The following EXOC6B variants were observed in gnomAD, a reference collection of about 807,000 sequenced individuals.
EXOC6B encodes SEC15 homolog B.
EXOC6B carries 54 observed loss-of-function variants against 113.5 expected under a neutral mutation model. That is an observed-to-expected ratio of 0.48 (90% confidence interval 0.38 to 0.60). The LOEUF (loss-of-function observed/expected upper bound fraction) is 0.60, where lower values mean the gene tolerates loss of function less well. Ranked by LOEUF, EXOC6B falls within the 20% of genes least tolerant of loss-of-function variation. EXOC6B has a pLI of 0.00. For synonymous variants in EXOC6B, 357 were observed against 339.0 expected, an observed-to-expected ratio of 1.05 and a Z score of -0.58; for missense variants, 797 against 977.5, an observed-to-expected ratio of 0.82 and a Z score of 2.46.
In EXOC6B at chr2:72,418,356, G is replaced by A. The variant is rs556467486; in HGVS notation, c.1981-38486C>T. 2.0e-5 allele frequency among the ~76,000 whole-genome samples: 3 copies of A among 152,120 alleles called. No individual in the cohort carries two copies. In the East Asian group the frequency reaches 5.8e-4, roughly 29 times the overall value. Reference sequence around the variant, plus strand: ...CATTACTCTCTAACCTCAACTCCTGGCAACCACCATTCTGCTTTCTGCAGG... The same window carrying A: ...CATTACTCTCTAACCTCAACTCCTGACAACCACCATTCTGCTTTCTGCAGG... On this transcript the variant is annotated intron_variant, in intron 18 of 21. Coordinates refer to ENST00000272427, the MANE Select transcript of EXOC6B (RefSeq NM_015189.3).
Position 72,416,377 on chromosome 2 carries a change from T to C in EXOC6B, c.1981-36507A>G, listed in dbSNP as rs540403315. ...ATAACCCTTATTTAAAATCCAAATG[T>C]GGTGCGTTTTACTCTGGAGACTAAT... On this transcript the variant is annotated intron_variant, in intron 18 of 21. Transcript: ENST00000272427. Among the ~76,000 whole-genome samples the C allele has an allele frequency of 1.5e-3, 226 of 152,326 alleles. 3 individuals are homozygous for C. The highest frequency in any genetic ancestry group is 1.3e-3 in the Non-Finnish European group (87 of 68,032).
chr2:72,576,867 C>A (rs1408165836), intron 6 of EXOC6B, among the ~76,000 whole-genome samples: 1 of 152,014 alleles, frequency 6.6e-6, no homozygotes, highest in Admixed American at 6.6e-5. Context: ...AGAATGTGAC[C>A]TCTGAAAGTA....
intron 1 of EXOC6B, among the ~76,000 whole-genome samples, chr2:72,824,138 C>G (rs1364395129): frequency 1.3e-5 from 2 of 152,136 alleles, no homozygotes; most frequent in African/African-American, 4.8e-5. Flanking sequence ...GTAATCCCAA[C>G]ACTTTGGGAG....
At chr2:72,591,018 T>C (rs778626773) in intron 6 of EXOC6B, among the ~76,000 whole-genome samples, 4 of 151,972 alleles carry the variant, frequency 2.6e-5, no homozygotes, top group Non-Finnish European at 5.9e-5. Context: ...GAAAAAAGAA[T>C]AGCAAAAATT....
chr2:72,499,894 C>A lies in EXOC6B; in HGVS notation c.1239+7G>T. ...TAGATGAGCATATGTAAACAGAAATCACATACCTGAAGTGTGTCAGCAAAA... is the reference window on the plus strand; with the variant it reads ...TAGATGAGCATATGTAAACAGAAATAACATACCTGAAGTGTGTCAGCAAAA... On this transcript the variant is annotated splice_region_variant and intron_variant, in intron 12 of 21. Transcript: ENST00000272427. 6.5e-7 allele frequency: 1 copy of A among 1,541,074 alleles called. No homozygotes were observed. The highest frequency in any genetic ancestry group is 2.4e-5 in the East Asian group (1 of 41,046).
chr2:72,393,816 G>A (rs1692544912), intron 18 of EXOC6B, among the ~76,000 whole-genome samples: 1 of 152,100 alleles, frequency 6.6e-6, no homozygotes, highest in African/African-American at 2.4e-5. Flanking sequence ...CCATTAATCA[G>A]TGCATGCCCA....
At chr2:72,509,507 AAC>A (rs1209682112) in intron 11 of EXOC6B, among the ~76,000 whole-genome samples, 2 of 152,344 alleles carry the variant, frequency 1.3e-5, no homozygotes, top group South Asian at 2.1e-4. Context: ...AATAAAGATA[AAC>A]ACATATGCTT....
At chr2:72,353,600 C>T (rs1689794665) in intron 19 of EXOC6B, among the ~76,000 whole-genome samples, 1 of 151,954 alleles carries the variant, frequency 6.6e-6, no homozygotes, top group Non-Finnish European at 1.5e-5. Context: ...TTTCAAACTC[C>T]TGACCTCAAG....
chr2:72,323,572 C>A (rs1361764539), intron 20 of EXOC6B, among the ~76,000 whole-genome samples: 4 of 152,064 alleles, frequency 2.6e-5, no homozygotes, highest in Admixed American at 1.3e-4. Context: ...ATAGCAAAGA[C>A]TTGGAACCAA....
At position 72,662,862 on chromosome 2, in the gene EXOC6B, C is replaced by G. The variant is rs559041577; in HGVS notation, c.669+55241G>C. ...CAAGTGATTCTCCTGCCTCAGCCTCCCAAGTAGCTGGGATCACAGGCATGC... is the reference window on the plus strand; with the variant it reads ...CAAGTGATTCTCCTGCCTCAGCCTCGCAAGTAGCTGGGATCACAGGCATGC... On this transcript the variant is annotated intron_variant, in intron 6 of 21. Coordinates refer to ENST00000272427, the MANE Select transcript of EXOC6B (RefSeq NM_015189.3). Among the ~76,000 whole-genome samples, 3 of 152,196 alleles carry G rather than the reference C, an allele frequency of 2.0e-5. No individual in the cohort carries two copies. In the East Asian group the frequency reaches 5.8e-4, roughly 29 times the overall value.
chr2:72,233,470 C>A (rs552289205), intron 20 of EXOC6B, among the ~76,000 whole-genome samples: 1 of 152,144 alleles, frequency 6.6e-6, no homozygotes, highest in East Asian at 1.9e-4. Context: ...GGGACAGCCA[C>A]CTGGAGGATT....
intron 6 of EXOC6B, among the ~76,000 whole-genome samples, chr2:72,706,424 C>G (rs1412281975): frequency 1.3e-5 from 2 of 152,188 alleles, no homozygotes; most frequent in Non-Finnish European, 2.9e-5. Context: ...AGCGGCAGTG[C>G]AGTGGGTGCA....
chr2:72,656,892 C>G (rs1329249769), intron 6 of EXOC6B, among the ~76,000 whole-genome samples: 1 of 152,098 alleles, frequency 6.6e-6, no homozygotes, highest in African/African-American at 2.4e-5. Context: ...GCTCTTGTTG[C>G]CCAGGCTGGA....
At chr2:72,211,188 T>A (rs1334814413) in intron 20 of EXOC6B, among the ~76,000 whole-genome samples, 2 of 152,192 alleles carry the variant, frequency 1.3e-5, no homozygotes, top group Non-Finnish European at 2.9e-5. Flanking sequence ...TTGCAGAGAC[T>A]CAGTTAGTGA....
At chr2:72,289,904 G>T (rs1032800852) in intron 20 of EXOC6B, among the ~76,000 whole-genome samples, 1 of 152,140 alleles carries the variant, frequency 6.6e-6, no homozygotes, top group African/African-American at 2.4e-5. Context: ...AAGGTAGATT[G>T]TTCTCTCTAA....
intron 6 of EXOC6B, among the ~76,000 whole-genome samples, chr2:72,715,553 G>A (rs1415811476): frequency 3.3e-5 from 5 of 151,710 alleles, no homozygotes; most frequent in Non-Finnish European, 2.9e-5. Flanking sequence ...AATGAGCAAA[G>A]GAGTTCCTTC....
At chr2:72,343,340 T>C (rs1245190829) in intron 19 of EXOC6B, among the ~76,000 whole-genome samples, 1 of 152,086 alleles carries the variant, frequency 6.6e-6, no homozygotes, top group African/African-American at 2.4e-5. Context: ...GGCACAGGAA[T>C]TGCTTGAACC....
chr2:72,325,490 C>A (rs995793285), intron 20 of EXOC6B, among the ~76,000 whole-genome samples: 2 of 151,908 alleles, frequency 1.3e-5, no homozygotes, highest in Admixed American at 6.6e-5. Context: ...TCATTCAAGC[C>A]TGGTGTTTTA....
intron 6 of EXOC6B, among the ~76,000 whole-genome samples, chr2:72,578,764 A>G (rs1705028346): frequency 6.6e-6 from 1 of 152,212 alleles, no homozygotes; most frequent in African/African-American, 2.4e-5. Context: ...ATGATTTTTC[A>G]GAGATAAATG....
Sources: allele counts gnomAD v4.1 joint callset (sites outside exome capture counted in the v4.1 genomes callset), GRCh38; gene constraint gnomAD v4.1.1; transcripts MANE v1.5; gene names NCBI Gene and HGNC (gene_info 2026-07-23, HGNC 2026-07-21).